The following STXBP5L variants were observed in gnomAD, a reference collection of about 807,000 sequenced individuals.
STXBP5L encodes the protein syntaxin binding protein 5L.
In STXBP5L, 65 loss-of-function variants were observed where a neutral mutation model predicts 144.5. That is an observed-to-expected ratio of 0.45 (90% CI 0.37 to 0.55). STXBP5L has a LOEUF of 0.55. Among genes scored for constraint, STXBP5L ranks in the 20% least tolerant of loss-of-function variants. The pLI is 0.00. For missense variants in STXBP5L, 1,298 were observed against 1,405.5 expected (o/e 0.92, Z 1.22); for synonymous variants, 505 against 469.6 (o/e 1.08, Z -0.97).
At chr3:120,908,432 A>AGT (rs939022561) in intron 1 of STXBP5L, 98 bp downstream of exon 1, 14 of 156,108 alleles carry the variant, frequency 9.0e-5, no homozygotes, top group African/African-American at 1.9e-4. Flanking sequence ...TGTCTGTGTG[A>AGT]GTGTGTGTGT....
chr3:121,408,322 ATT>A (rs1003875849), intron 23 of STXBP5L, among the ~76,000 whole-genome samples: 5 of 152,016 alleles, frequency 3.3e-5, no homozygotes, highest in African/African-American at 1.2e-4. Flanking sequence ...AGTCACTGTC[ATT>A]TTTTTAATAT....
chr3:121,075,529 C>A (rs2041982772), intron 5 of STXBP5L, among the ~76,000 whole-genome samples: 1 of 152,198 alleles, frequency 6.6e-6, no homozygotes, highest in South Asian at 2.1e-4. Context: ...CTTCTAACTT[C>A]TGAAGCTTTA....
intron 3 of STXBP5L, among the ~76,000 whole-genome samples, chr3:121,023,637 C>G (rs1277452332): frequency 6.6e-6 from 1 of 152,070 alleles, no homozygotes; most frequent in Non-Finnish European, 1.5e-5. Flanking sequence ...GAAAGGACAC[C>G]CTATTTAACA....
In STXBP5L at chr3:121,014,189, A is replaced by T. The variant is rs147606676; in HGVS notation, c.288-27511A>T. Among the ~76,000 whole-genome samples the T allele has an allele frequency of 3.1e-3, 467 of 152,022 alleles. 6 individuals carry two copies. The highest frequency in any genetic ancestry group is 0.011 in the African/African-American group (450 of 41,530). On this transcript the variant is annotated intron_variant, in intron 3 of 26. Coordinates refer to ENST00000471454, the MANE Select transcript of STXBP5L (RefSeq NM_001308330.2). ...TCCATGAAAAGTCATGTTGGTAAATAGATAGGAATAGTGTTGAGTCTGTAG... is the reference window on the plus strand; with the variant it reads ...TCCATGAAAAGTCATGTTGGTAAATTGATAGGAATAGTGTTGAGTCTGTAG...
intron 2 of STXBP5L, chr3:120,925,277 T>C (rs1461875267): frequency 6.6e-6 from 1 of 152,200 alleles, no homozygotes; most frequent in Non-Finnish European, 1.5e-5. Context: ...CCTACTATTA[T>C]TGTATTGCAG....
chr3:121,318,043 C>T (rs1357539279), intron 19 of STXBP5L, among the ~76,000 whole-genome samples: 1 of 152,022 alleles, frequency 6.6e-6, no homozygotes, highest in Non-Finnish European at 1.5e-5. Context: ...ATTAAAGTAG[C>T]TATTTCTTAT....
At chr3:121,004,066 G>T (rs1395745819) in intron 3 of STXBP5L, among the ~76,000 whole-genome samples, 1 of 152,174 alleles carries the variant, frequency 6.6e-6, no homozygotes, top group South Asian at 2.1e-4. Context: ...CTTTAAAGTA[G>T]TTTTTTCCAA....
At chr3:121,325,468 A>T (rs777480425) in intron 20 of STXBP5L, among the ~76,000 whole-genome samples, 20 of 152,064 alleles carry the variant, frequency 1.3e-4, no homozygotes, top group Non-Finnish European at 2.9e-4. Flanking sequence ...AAATGAGAAA[A>T]ATTAATTTGG....
intron 9 of STXBP5L, among the ~76,000 whole-genome samples, chr3:121,204,749 A>G (rs2048272413): frequency 6.6e-6 from 1 of 152,178 alleles, no homozygotes; most frequent in African/African-American, 2.4e-5. Flanking sequence ...AGAAACAAAT[A>G]TTGCATTTCA....
intron 5 of STXBP5L, among the ~76,000 whole-genome samples, chr3:121,093,001 A>G (rs1187925560): frequency 6.6e-6 from 1 of 152,238 alleles, no homozygotes. Context: ...AATTTTGTCA[A>G]AGGCCTTTTC....
intron 17 of STXBP5L, among the ~76,000 whole-genome samples, chr3:121,258,730 C>T (rs144397772): frequency 1.3e-4 from 19 of 151,878 alleles, no homozygotes; most frequent in African/African-American, 4.1e-4. Context: ...ATATATGTAA[C>T]ATATATTACA....
intron 10 of STXBP5L, among the ~76,000 whole-genome samples, chr3:121,209,020 T>A (rs1380987776): frequency 6.6e-6 from 1 of 152,194 alleles, no homozygotes; most frequent in African/African-American, 2.4e-5. Context: ...TATGCAGTGT[T>A]TGGTTTTCTG....
At chr3:121,219,712 A>G (rs1196819883) in intron 10 of STXBP5L, among the ~76,000 whole-genome samples, 1 of 152,170 alleles carries the variant, frequency 6.6e-6, no homozygotes, top group Non-Finnish European at 1.5e-5. Context: ...ACGGCAGCCT[A>G]CTGATAGGCT....
intron 5 of STXBP5L, among the ~76,000 whole-genome samples, chr3:121,111,350 G>T (rs1179038468): frequency 2.0e-5 from 3 of 152,154 alleles, no homozygotes; most frequent in Non-Finnish European, 4.4e-5. Flanking sequence ...TTTTTTCATT[G>T]ATTCTTTCTC....
intron 21 of STXBP5L, among the ~76,000 whole-genome samples, chr3:121,379,767 G>A (rs1392536209): frequency 2.0e-5 from 3 of 152,098 alleles, no homozygotes; most frequent in African/African-American, 4.8e-5. Context: ...AAGATTTGGA[G>A]CCATATAATA....
intron 6 of STXBP5L, 33 bp from the exon 7 acceptor site, chr3:121,121,608 G>C: frequency 6.6e-7 from 1 of 1,523,806 alleles, no homozygotes; most frequent in South Asian, 1.2e-5. Context: ...TTAATGTTTG[G>C]TTTTTAATTA....
chr3:121,049,542 G>C (rs1947787728), intron 5 of STXBP5L: 1 of 154,366 alleles, frequency 6.5e-6, no homozygotes, highest in African/African-American at 2.4e-5. Flanking sequence ...TTGTGGATGT[G>C]GTCTGCCTCT....
chr3:120,911,713 C>G (rs1708850588), intron 2 of STXBP5L, among the ~76,000 whole-genome samples: 1 of 151,904 alleles, frequency 6.6e-6, no homozygotes. Context: ...AGATAGATAG[C>G]TATATAAGTT....
At chr3:120,972,736 T>C (rs1416134706) in intron 3 of STXBP5L, among the ~76,000 whole-genome samples, 1 of 152,104 alleles carries the variant, frequency 6.6e-6, no homozygotes, top group East Asian at 1.9e-4. Context: ...TTTTGAGATA[T>C]GCTCCTTGTA....
Sources: allele counts gnomAD v4.1 joint callset (sites outside exome capture counted in the v4.1 genomes callset), GRCh38; gene constraint gnomAD v4.1.1; transcripts MANE v1.5; gene names NCBI Gene and HGNC (gene_info 2026-07-23, HGNC 2026-07-21).